The following SAMMSON variants were observed in gnomAD, a reference collection of about 807,000 sequenced individuals.
The protein encoded by SAMMSON is survival associated mitochondrial melanoma specific oncogenic non-coding RNA.
chr3:70,135,203 A>G (rs2067500826), intron 4 of SAMMSON, among the ~76,000 whole-genome samples: 1 of 152,134 alleles, frequency 6.6e-6, no homozygotes, highest in South Asian at 2.1e-4. Flanking sequence ...TCATGTCAAT[A>G]TTTCATAAGA....
chr3:70,265,906 TG>T (rs1275048981), intron 6 of SAMMSON, among the ~76,000 whole-genome samples: 2 of 152,132 alleles, frequency 1.3e-5, no homozygotes, highest in Non-Finnish European at 2.9e-5. Context: ...GAGAACGGCA[TG>T]GGGGAAGCCA....
chr3:70,299,427 C>G (rs139935125), intron 7 of SAMMSON, among the ~76,000 whole-genome samples: 298 of 152,050 alleles, frequency 2.0e-3, no homozygotes, highest in Non-Finnish European at 3.1e-3. Context: ...TCTAATTTTT[C>G]TAAAAAATAG....
chr3:70,179,191 C>T (rs1010983800), intron 4 of SAMMSON, among the ~76,000 whole-genome samples: 1 of 152,274 alleles, frequency 6.6e-6, no homozygotes, highest in African/African-American at 2.4e-5. Context: ...TGGAAGGGCT[C>T]TCAGAATTAT....
At chr3:70,110,353 C>A (rs2067383854) in intron 4 of SAMMSON, among the ~76,000 whole-genome samples, 1 of 152,064 alleles carries the variant, frequency 6.6e-6, no homozygotes, top group Admixed American at 6.6e-5. Flanking sequence ...ATTTGTATCC[C>A]CAGGGTTAAT....
intron 7 of SAMMSON, among the ~76,000 whole-genome samples, chr3:70,335,341 T>C (rs1394673349): frequency 6.6e-6 from 1 of 152,060 alleles, no homozygotes; most frequent in Non-Finnish European, 1.5e-5. Flanking sequence ...CAGTTTGTTT[T>C]GTTGAAGGGT....
At chr3:70,258,543 T>A (rs1701838541) in intron 6 of SAMMSON, among the ~76,000 whole-genome samples, 1 of 152,162 alleles carries the variant, frequency 6.6e-6, no homozygotes, top group African/African-American at 2.4e-5. Context: ...CTCATTTTTT[T>A]AAGTTAGTAT....
chr3:70,112,550 C>A (rs1188087577), intron 4 of SAMMSON, among the ~76,000 whole-genome samples: 3 of 152,044 alleles, frequency 2.0e-5, no homozygotes. Flanking sequence ...ACTAATATGG[C>A]AGAGGGTAGA....
chr3:70,045,037 TAATTAATATATATAATTA>T (rs2067119502), intron 3 of SAMMSON, among the ~76,000 whole-genome samples: 2 of 125,918 alleles, frequency 1.6e-5, no homozygotes, highest in Non-Finnish European at 3.2e-5. Flanking sequence ...ATATATATTA[TAATTAATATATATAATTA>T]ATTATAATAT....
intron 3 of SAMMSON, among the ~76,000 whole-genome samples, chr3:70,061,987 C>T (rs1033574250): frequency 7.9e-5 from 12 of 152,104 alleles, no homozygotes; most frequent in African/African-American, 1.7e-4. Context: ...GACTCCCATT[C>T]GTTCTCTGCA....
chr3:70,212,290 T>C (rs181067671), intron 4 of SAMMSON, among the ~76,000 whole-genome samples: 2 of 152,156 alleles, frequency 1.3e-5, no homozygotes, highest in South Asian at 4.1e-4. Flanking sequence ...TATTGGACAT[T>C]TTTTGTGGGT....
At chr3:70,009,572 T>A (rs1421008276) in intron 1 of SAMMSON, among the ~76,000 whole-genome samples, 2 of 152,188 alleles carry the variant, frequency 1.3e-5, no homozygotes, top group African/African-American at 2.4e-5. Flanking sequence ...ATTTTGTTGA[T>A]CTTTTCAGAA....
intron 4 of SAMMSON, among the ~76,000 whole-genome samples, chr3:70,195,691 GC>G (rs1406939801): frequency 6.6e-6 from 1 of 152,116 alleles, no homozygotes; most frequent in Non-Finnish European, 1.5e-5. Context: ...CATGCATGAT[GC>G]TTTTTTATAT....
chr3:70,377,723 A>G (rs1246257917), intron 9 of SAMMSON, among the ~76,000 whole-genome samples: 1 of 152,108 alleles, frequency 6.6e-6, no homozygotes. Context: ...AAGTTACAAC[A>G]CATATGGCAG....
At position 70,138,769 on chromosome 3, in the gene SAMMSON, A is replaced by T. The variant is rs201047537; in HGVS notation, n.507+67204A>T. On this transcript the variant is annotated intron_variant and non_coding_transcript_variant, in intron 4 of 9. Transcript: ENST00000642114. ...AGGTATGAGTGAGACTCAAGGTATG[A>T]TTCATTCTGAATCATGTTGCTCTTT... Among the ~76,000 whole-genome samples, 12 of 152,348 alleles carry T rather than the reference A, an allele frequency of 7.9e-5. No homozygotes were observed. The East Asian group carries it at 1.9e-3, about 25-fold the overall frequency.
intron 4 of SAMMSON, among the ~76,000 whole-genome samples, chr3:70,149,618 A>G (rs191941011): frequency 6.6e-6 from 1 of 152,212 alleles, no homozygotes; most frequent in African/African-American, 2.4e-5. Context: ...CTAAGATTTG[A>G]CAAGTATCGT....
chr3:70,363,249 C>T (rs1244911842), intron 9 of SAMMSON, among the ~76,000 whole-genome samples: 1 of 152,078 alleles, frequency 6.6e-6, no homozygotes, highest in Middle Eastern at 3.4e-3. Flanking sequence ...AATTGAAAGC[C>T]TTTCCTTTAA....
At chr3:70,236,796 A>G (rs1701614394) in intron 4 of SAMMSON, among the ~76,000 whole-genome samples, 1 of 152,050 alleles carries the variant, frequency 6.6e-6, no homozygotes, top group Non-Finnish European at 1.5e-5. Context: ...GGGTCTTTGT[A>G]TGTTGCCCAG....
chr3:70,315,106 A>G (rs1425031900), intron 7 of SAMMSON, among the ~76,000 whole-genome samples: 1 of 152,152 alleles, frequency 6.6e-6, no homozygotes, highest in Non-Finnish European at 1.5e-5. Flanking sequence ...GCATTAGAAT[A>G]GAATCTCTGT....
intron 6 of SAMMSON, among the ~76,000 whole-genome samples, chr3:70,269,427 G>A (rs1367527968): frequency 6.6e-6 from 1 of 152,186 alleles, no homozygotes; most frequent in Non-Finnish European, 1.5e-5. Flanking sequence ...ATCAAAGGCA[G>A]TCAACTGTTC....
Sources: allele counts gnomAD v4.1 joint callset (sites outside exome capture counted in the v4.1 genomes callset), GRCh38; gene constraint gnomAD v4.1.1; transcripts MANE v1.5; gene names NCBI Gene and HGNC (gene_info 2026-07-23, HGNC 2026-07-21).